Variants in KDR observed in about 807,000 individuals in gnomAD.
The protein encoded by KDR is kinase insert domain receptor.
Under a neutral mutation model 160.9 loss-of-function variants are expected in KDR, and 43 were observed. The ratio of observed to expected loss-of-function variants is 0.27; its 90% CI spans 0.21 to 0.34. The LOEUF (loss-of-function observed/expected upper bound fraction) is 0.34. KDR is among the 10% of genes least tolerant of loss of function. The pLI is 1.00. For missense variants in KDR, 1,469 were observed against 1,666.4 expected (o/e 0.88, Z 2.06); for synonymous variants, 617 against 600.1 (o/e 1.03, Z -0.41).
intron 9 of KDR, among the ~76,000 whole-genome samples, chr4:55,108,525 A>G (rs531842563): frequency 3.9e-5 from 6 of 152,210 alleles, no homozygotes; most frequent in Non-Finnish European, 7.3e-5. Context: ...ACAGAAAAAA[A>G]TGACTCGCCC....
At chr4:55,118,865 AAG>A (rs1720798035) in intron 2 of KDR, 65 bp from the exon 3 acceptor site, 1 of 1,422,814 alleles carries the variant, frequency 7.0e-7, no homozygotes, top group Non-Finnish European at 9.9e-7. Flanking sequence ...TTTCTAAGAA[AAG>A]AGAAAATTTG....
intron 15 of KDR, among the ~76,000 whole-genome samples, chr4:55,099,735 A>ACCAGAGAG (rs1720262137): frequency 6.6e-6 from 1 of 152,196 alleles, no homozygotes; most frequent in Non-Finnish European, 1.5e-5. Context: ...GAAACAGAAG[A>ACCAGAGAG]CCAGAGAGCT....
intron 26 of KDR, among the ~76,000 whole-genome samples, chr4:55,088,641 G>A (rs1282739767): frequency 3.3e-5 from 5 of 152,132 alleles, no homozygotes; most frequent in Non-Finnish European, 7.4e-5. Flanking sequence ...AAGATAAGTA[G>A]GTAGAAATCA....
Position 55,098,263 on chromosome 4 carries a change from C to T in KDR, c.2383G>A (p.Gly795Arg), listed in dbSNP as rs564385300. 8.9e-5 allele frequency: 143 copies of T among 1,613,774 alleles called. 4 individuals carry two copies. The South Asian group carries it at 1.5e-3, about 17-fold the overall frequency. The change falls in exon 17 of 30, where the codon GGG (glycine) becomes AGG (arginine). Residue 795 changes from glycine (G) to arginine (R), a missense_variant. Around this residue, in one of 7 missense-constraint regions of KDR, gnomAD observed 118 missense variants for 110.8 expected, o/e 1.06. Coordinates refer to ENST00000263923, the MANE Select transcript of KDR (RefSeq NM_002253.4). ...GACAAGTAGCCTGTCTTCAGTTCCC[C>T]TCCATTGGCCTGGAAAGCATCAATC... ...ILRTVKRANG[G>R]ELKTGYLSIV...
intron 18 of KDR, 38 bp from the exon 19 acceptor site, chr4:55,096,380 GA>G (rs1466877605): frequency 2.8e-6 from 4 of 1,445,288 alleles, no homozygotes; most frequent in Non-Finnish European, 3.9e-6. Flanking sequence ...CATAGGTATG[GA>G]CATTTCCTTC....
chr4:55,097,952 T>G (rs945403944), intron 17 of KDR, among the ~76,000 whole-genome samples, 185 bp downstream of exon 17: 2 of 151,884 alleles, frequency 1.3e-5, no homozygotes, highest in Admixed American at 1.3e-4. Context: ...TGTCCTGCTT[T>G]GGATGATTAC....
At chr4:55,098,586 T>A in intron 16 of KDR, 111 bp downstream of exon 16, 1 of 832,454 alleles carries the variant, frequency 1.2e-6, no homozygotes, top group Non-Finnish European at 2.1e-6. Flanking sequence ...GAAATAAAAA[T>A]GTGCCCATTG....
At chr4:55,105,132 A>G (rs1370016675) in intron 12 of KDR, 148 bp from the exon 13 acceptor site, 12 of 693,782 alleles carry the variant, frequency 1.7e-5, no homozygotes, top group South Asian at 1.5e-4. Flanking sequence ...CAAACAAACT[A>G]GACAATTCAG....
chr4:55,123,916 G>A (rs187559761), intron 1 of KDR, among the ~76,000 whole-genome samples: 59 of 152,302 alleles, frequency 3.9e-4, no homozygotes, highest in African/African-American at 1.3e-3. Context: ...CAGGGCGACC[G>A]GCCTGCCGTT....
Position 55,082,694 on chromosome 4 carries a change from C to G in KDR, c.3663-59G>C, listed in dbSNP as rs1478608804. The G allele has an allele frequency of 2.7e-5, 34 of 1,272,964 alleles. No individual in the cohort carries two copies. In the South Asian group the frequency reaches 3.5e-4, roughly 13 times the overall value. The allele number at this position is 1,272,964 out of a possible 1,614,324, so 78.9% of individuals were successfully genotyped here. A position where few individuals can be genotyped will look rare whatever the true frequency, so the allele number is the denominator to read the frequency against. On this transcript the variant is annotated intron_variant, in intron 27 of 29. Transcript: ENST00000263923. ...GGTATATTTGACTGCAGATCGGCTA[C>G]CTAAGTTCATTATCTTTCAACCACA...
At chr4:55,120,222 T>A (rs929250229) in intron 2 of KDR, among the ~76,000 whole-genome samples, 1 of 152,170 alleles carries the variant, frequency 6.6e-6, no homozygotes, top group Non-Finnish European at 1.5e-5. Flanking sequence ...TCAACAAGTA[T>A]GAAGCAATGG....
chr4:55,079,855 T>C lies in KDR; in HGVS notation c.*86A>G. The C allele has an allele frequency of 3.3e-6, 4 of 1,227,482 alleles. No homozygotes were observed. The highest frequency in any genetic ancestry group is 4.8e-6 in the Non-Finnish European group (4 of 828,540). The allele number at this position is 1,227,482 out of a possible 1,614,324, so 76.0% of individuals were successfully genotyped here. A position where few individuals can be genotyped will look rare whatever the true frequency, so the allele number is the denominator to read the frequency against. On this transcript the variant is annotated 3_prime_UTR_variant, in exon 30 of 30. Coordinates refer to ENST00000263923, the MANE Select transcript of KDR (RefSeq NM_002253.4). ...GAAATGAAAATCAAATGCGGCTACT[T>C]CCTGCTGGTGGAAAGAACAACACTT...
chr4:55,110,101 T>C (rs1412248498), intron 9 of KDR, among the ~76,000 whole-genome samples: 1 of 152,204 alleles, frequency 6.6e-6, no homozygotes, highest in African/African-American at 2.4e-5. Context: ...TAGTATAACT[T>C]AGCTTGACAA....
chr4:55,083,010 T>C (rs544672796), intron 27 of KDR, among the ~76,000 whole-genome samples: 4 of 152,312 alleles, frequency 2.6e-5, no homozygotes, highest in Non-Finnish European at 5.9e-5. Context: ...CACATCTGTC[T>C]GGCCATCTCC....
intron 3 of KDR, among the ~76,000 whole-genome samples, chr4:55,118,324 CT>C (rs944729762): frequency 6.6e-6 from 1 of 152,148 alleles, no homozygotes; most frequent in Non-Finnish European, 1.5e-5. Context: ...CATAGGAAGA[CT>C]TTTTATAAGT....
At chr4:55,105,419 G>T (rs1720424521) in intron 12 of KDR, among the ~76,000 whole-genome samples, 3 of 152,126 alleles carry the variant, frequency 2.0e-5, no homozygotes, top group Non-Finnish European at 4.4e-5. Flanking sequence ...AAGATGCACA[G>T]GCAAAATCGG....
Position 55,105,474 on chromosome 4 carries a change from A to G in KDR, c.1645+358T>C, listed in dbSNP as rs550487793. On this transcript the variant is annotated intron_variant, in intron 12 of 29. Coordinates refer to ENST00000263923, the MANE Select transcript of KDR (RefSeq NM_002253.4). ...CTCCTATGTCCTTCTGATTGCCTCC[A>G]TAAAGCCCACCCTCATCAACTGTTC... Among the ~76,000 whole-genome samples the G allele has an allele frequency of 3.3e-5, 5 of 152,298 alleles. No homozygotes were observed. In the South Asian group the frequency reaches 1.0e-3, roughly 32 times the overall value.
At chr4:55,092,015 A>G (rs949473929) in intron 22 of KDR, among the ~76,000 whole-genome samples, 1 of 152,128 alleles carries the variant, frequency 6.6e-6, no homozygotes, top group Non-Finnish European at 1.5e-5. Flanking sequence ...ATACTTTTTG[A>G]TGGATGTTGA....
intron 27 of KDR, among the ~76,000 whole-genome samples, chr4:55,087,217 A>G (rs551024318): frequency 6.6e-6 from 1 of 152,350 alleles, no homozygotes; most frequent in East Asian, 1.9e-4. Context: ...TCATGCAAGC[A>G]CAGAACTCTT....
Sources: allele counts gnomAD v4.1 joint callset (sites outside exome capture counted in the v4.1 genomes callset), GRCh38; gene constraint gnomAD v4.1.1; regional missense constraint gnomAD v4.1.1; transcripts MANE v1.5; gene names NCBI Gene and HGNC (gene_info 2026-07-23, HGNC 2026-07-21).